CFAP53: variants seen among roughly 807,000 people sequenced by gnomAD.
CFAP53 encodes cilia- and flagella-associated protein 53.
Under a neutral mutation model 59.7 loss-of-function variants are expected in CFAP53, and 62 were observed. The observed-to-expected ratio is 1.04, with a 90% CI of 0.85 to 1.28. The LOEUF is 1.28. CFAP53 is among the 50% of genes most tolerant of loss of function. The pLI is 0.00. For synonymous variants in CFAP53, 218 were observed against 205.7 expected, an observed-to-expected ratio of 1.06 and a Z score of -0.51; for missense variants, 629 against 615.6, an observed-to-expected ratio of 1.02 and a Z score of -0.23.
chr18:50,262,141 T>C lies in CFAP53; in HGVS notation c.148A>G (p.Ile50Val), dbSNP rs766311281. The C allele has an allele frequency of 1.9e-6, 3 of 1,614,230 alleles. No individual in the cohort carries two copies. Among genetic ancestry groups the C allele is most frequent in the Non-Finnish European group, 2.5e-6 (3 of 1,180,030 alleles). ...IRRSHQKHNA[I>V]LASIKSSERD... Reference sequence around the variant, plus strand: ...TCACTTGACTTAATGGAAGCCAAAATAGCATTATGCTTCTGATGGCTGCGT... The same window carrying C: ...TCACTTGACTTAATGGAAGCCAAAACAGCATTATGCTTCTGATGGCTGCGT... Residue 50 changes from isoleucine (I) to valine (V), a missense_variant, in exon 2 of 8, where the codon ATT (isoleucine) becomes GTT (valine). Transcript: ENST00000398545.
chr18:50,237,792 A>C (rs1895201880), intron 7 of CFAP53, among the ~76,000 whole-genome samples: 1 of 152,128 alleles, frequency 6.6e-6, no homozygotes. Flanking sequence ...TCCCCAGCCT[A>C]AGGCCTGTCA....
intron 1 of CFAP53, among the ~76,000 whole-genome samples, chr18:50,265,205 A>T (rs1399536358): frequency 6.6e-6 from 1 of 152,228 alleles, no homozygotes; most frequent in Non-Finnish European, 1.5e-5. Context: ...ATGCTCCAAA[A>T]TCTGAAGCTT....
intron 1 of CFAP53, 111 bp downstream of exon 1, chr18:50,266,225 C>A: frequency 2.0e-6 from 2 of 984,026 alleles, no homozygotes; most frequent in Non-Finnish European, 3.2e-6. Flanking sequence ...TCAGGCGACA[C>A]CCGTTCCCCT....
chr18:50,242,825 G>T, intron 6 of CFAP53, 75 bp downstream of exon 6: 1 of 1,179,262 alleles, frequency 8.5e-7, no homozygotes, highest in Non-Finnish European at 1.3e-6. Flanking sequence ...TAAGTATTAT[G>T]GTTGTTAGTA....
chr18:50,245,467 T>C, intron 5 of CFAP53, among the ~76,000 whole-genome samples: 1 of 152,080 alleles, frequency 6.6e-6, no homozygotes, highest in East Asian at 1.9e-4. Context: ...AAACTCCTTG[T>C]ATTCCTATTT....
Position 50,262,112 on chromosome 18 carries a change from C to T in CFAP53, c.177G>A (p.Arg59=), listed in dbSNP as rs2033899510. The T allele has an allele frequency of 6.2e-7, 1 of 1,614,076 alleles. No individual in the cohort carries two copies. Among genetic ancestry groups the T allele is most frequent in the African/African-American group, 1.3e-5 (1 of 74,936 alleles). ...AILASIKSSE[R]DRLKAEWDQH... ...GGTCCCACTCAGCTTTCAAGCGATC[C>T]CGCTCACTTGACTTAATGGAAGCCA... Residue 59 remains arginine, a synonymous_variant, in exon 2 of 8, where the codon CGG becomes CGA. Transcript: ENST00000398545.
chr18:50,232,447 C>A (rs2033592199), intron 7 of CFAP53, among the ~76,000 whole-genome samples: 1 of 152,178 alleles, frequency 6.6e-6, no homozygotes, highest in Non-Finnish European at 1.5e-5. Context: ...CAAGCCCCAG[C>A]CCCTCCAGGT....
chr18:50,247,115 A>T (rs1468324485), intron 5 of CFAP53, among the ~76,000 whole-genome samples: 1 of 152,116 alleles, frequency 6.6e-6, no homozygotes, highest in African/African-American at 2.4e-5. Context: ...TGGGCAAAGG[A>T]CTTGAATAGA....
chr18:50,228,273 C>T (rs1692903704), intron 7 of CFAP53, among the ~76,000 whole-genome samples: 1 of 151,904 alleles, frequency 6.6e-6, no homozygotes, highest in South Asian at 2.1e-4. Flanking sequence ...TTTCCCCTTT[C>T]ATCTCGGAGG....
At position 50,246,037 on chromosome 18, in the gene CFAP53, G is replaced by A. The variant is rs551982295; in HGVS notation, c.997-2921C>T. Among the ~76,000 whole-genome samples the A allele has an allele frequency of 7.9e-5, 12 of 152,214 alleles. No homozygotes were observed. The South Asian group carries it at 2.5e-3, about 32-fold the overall frequency. On this transcript the variant is annotated intron_variant, in intron 5 of 7. Coordinates refer to ENST00000398545, the MANE Select transcript of CFAP53 (RefSeq NM_145020.5). Reference sequence around the variant, plus strand: ...CCCAAGTAGCTGGGATTACAGGCATGGGCCACCATGCCTGGCTAATTTTTG... The same window carrying A: ...CCCAAGTAGCTGGGATTACAGGCATAGGCCACCATGCCTGGCTAATTTTTG...
intron 2 of CFAP53, among the ~76,000 whole-genome samples, chr18:50,261,566 A>G (rs1393456994): frequency 6.6e-6 from 1 of 151,236 alleles, no homozygotes; most frequent in Non-Finnish European, 1.5e-5. Context: ...CTGTTTTTTT[A>G]TTTTTTGTAG....
In CFAP53 at chr18:50,227,347, A is replaced by C; in HGVS notation, c.*34T>G. ...AGCATACTGTAGTTAAAAATATTAA[A>C]AGACCAAGAAAAGATATATTGATGC... On this transcript the variant is annotated 3_prime_UTR_variant, in exon 8 of 8. Coordinates refer to ENST00000398545, the MANE Select transcript of CFAP53 (RefSeq NM_145020.5). 6.4e-7 allele frequency: 1 copy of C among 1,551,034 alleles called. No individual in the cohort carries two copies. Among genetic ancestry groups the C allele is most frequent in the South Asian group, 1.1e-5 (1 of 88,924 alleles).
At chr18:50,247,114 G>GACTTGAAT (rs1192227543) in intron 5 of CFAP53, among the ~76,000 whole-genome samples, 1 of 151,518 alleles carries the variant, frequency 6.6e-6, no homozygotes, top group Admixed American at 6.6e-5. Flanking sequence ...ATGGGCAAAG[G>GACTTGAAT]ACTTGAATAG....
At chr18:50,232,309 C>T (rs2144401543) in intron 7 of CFAP53, among the ~76,000 whole-genome samples, 1 of 152,296 alleles carries the variant, frequency 6.6e-6, no homozygotes, top group Middle Eastern at 3.4e-3. Context: ...CACAGCATGG[C>T]CCCTATGTAG....
intron 5 of CFAP53, among the ~76,000 whole-genome samples, chr18:50,248,910 C>T (rs1385459485): frequency 1.3e-5 from 2 of 151,904 alleles, no homozygotes; most frequent in East Asian, 3.9e-4. Flanking sequence ...AGGTAAATGG[C>T]TAAACAAACT....
chr18:50,230,539 T>G (rs2033572321), intron 7 of CFAP53, among the ~76,000 whole-genome samples: 1 of 152,204 alleles, frequency 6.6e-6, no homozygotes, highest in Non-Finnish European at 1.5e-5. Context: ...TAAACACAAG[T>G]CAAATGTGTT....
At chr18:50,246,882 C>T (rs761490338) in intron 5 of CFAP53, among the ~76,000 whole-genome samples, 6 of 151,058 alleles carry the variant, frequency 4.0e-5, no homozygotes, top group African/African-American at 1.2e-4. Context: ...CCCGTCTCTA[C>T]TAAAAATACA....
At chr18:50,248,139 A>AC (rs932499186) in intron 5 of CFAP53, among the ~76,000 whole-genome samples, 1 of 148,236 alleles carries the variant, frequency 6.7e-6, no homozygotes, top group African/African-American at 2.4e-5. Context: ...TAAAAAAAAA[A>AC]AAAAAAACAG....
intron 7 of CFAP53, among the ~76,000 whole-genome samples, chr18:50,237,033 G>A (rs902616401): frequency 1.6e-4 from 24 of 151,678 alleles, no homozygotes; most frequent in Admixed American, 2.6e-4. Context: ...GAGGCCAGGC[G>A]CAGTGGCTCA....
Sources: gnomAD v4.1 joint callset for allele counts (sites outside exome capture counted in the v4.1 genomes callset) on GRCh38, gnomAD v4.1.1 for gene constraint, MANE v1.5 for transcripts, NCBI Gene and HGNC (gene_info 2026-07-23, HGNC 2026-07-21) for gene names.